Variants in KAT6B observed in about 807,000 individuals in gnomAD.
KAT6B encodes the protein lysine acetyltransferase 6B.
Under a neutral mutation model 187.5 loss-of-function variants are expected in KAT6B, and 10 were observed. That is an observed-to-expected ratio of 0.05 (90% CI 0.03 to 0.09). The LOEUF (loss-of-function observed/expected upper bound fraction) is 0.09, where lower values mean the gene tolerates loss of function less well. Among genes scored for constraint, KAT6B ranks in the 10% least tolerant of loss-of-function variants. KAT6B has a pLI of 1.00. For synonymous variants in KAT6B, 861 were observed against 926.8 expected (o/e 0.93, Z 1.29); for missense variants, 1,952 against 2,558.9 (o/e 0.76, Z 5.12).
chr10:74,868,742 T>C (rs1227373708), intron 3 of KAT6B, among the ~76,000 whole-genome samples: 1 of 152,264 alleles, frequency 6.6e-6, no homozygotes, highest in Non-Finnish European at 1.5e-5. Context: ...GCACATATTC[T>C]GTGCTGGGTG....
chr10:74,889,606 C>A (rs1845518135), intron 3 of KAT6B, among the ~76,000 whole-genome samples: 1 of 152,188 alleles, frequency 6.6e-6, no homozygotes, highest in Admixed American at 6.5e-5. Context: ...TGGAGCAAGG[C>A]TCAGTGGATG....
Position 75,029,576 on chromosome 10 carries a change from T to G in KAT6B, c.4752T>G (p.Ile1584Met). Residue 1584 changes from isoleucine (I) to methionine (M), a missense_variant, in exon 18 of 18, where the codon ATT becomes ATG. This residue lies in a region of KAT6B where 758 missense variants were observed against 891.4 expected (regional missense o/e 0.85). Coordinates refer to ENST00000287239, the MANE Select transcript of KAT6B (RefSeq NM_012330.4). The surrounding 1 kb of genome is among the most constrained non-coding windows in gnomAD (Gnocchi z 6.2). Reference sequence around the variant, plus strand: ...CCCGTGCAGACCAAAGTCCACAGATTGCCACCACGCTCGACGATTGCCAAC... The same window carrying G: ...CCCGTGCAGACCAAAGTCCACAGATGGCCACCACGCTCGACGATTGCCAAC... ...NYTRADQSPQ[I>M]ATTLDDCQQS... 2 of 1,614,106 alleles carry G rather than the reference T, an allele frequency of 1.2e-6. No individual in the cohort carries two copies. Among genetic ancestry groups the G allele is most frequent in the Non-Finnish European group, 1.7e-6 (2 of 1,180,024 alleles).
Position 74,977,429 on chromosome 10 carries a change from T to C in KAT6B, c.2107T>C (p.Ser703Pro), listed in dbSNP as rs1179731230. ...LDVFKQAQEL[S>P]WEKIECESGV... ...TGTTTTTAAGCAGGCCCAGGAACTT[T>C]CTTGGGAGGTAAGGCGAGGATCCCA... The change falls in exon 9 of 18, where the codon TCT (serine) becomes CCT (proline). Residue 703 changes from serine (S) to proline (P), a missense_variant. This residue lies in a region of KAT6B where 417 missense variants were observed against 508.9 expected (regional missense o/e 0.82). Coordinates refer to ENST00000287239, the MANE Select transcript of KAT6B (RefSeq NM_012330.4). 6.2e-7 allele frequency: 1 copy of C among 1,613,728 alleles called. No homozygotes were observed. The highest frequency in any genetic ancestry group is 1.3e-5 in the African/African-American group (1 of 74,928).
At chr10:75,018,851 T>A (rs1344040382) in intron 13 of KAT6B, among the ~76,000 whole-genome samples, 1 of 152,014 alleles carries the variant, frequency 6.6e-6, no homozygotes, top group Non-Finnish European at 1.5e-5. Flanking sequence ...AAGGGAATGG[T>A]TCTATATCCA....
intron 13 of KAT6B, among the ~76,000 whole-genome samples, chr10:75,001,138 G>T (rs767958940): frequency 1.1e-4 from 16 of 152,084 alleles, no homozygotes; most frequent in Non-Finnish European, 2.2e-4. Context: ...ATGCTTTAGG[G>T]TATGATTTAG....
chr10:75,028,451 CTG>C (rs1441374070), intron 17 of KAT6B, 36 bp from the exon 18 acceptor site: 4 of 1,613,818 alleles, frequency 2.5e-6, no homozygotes, highest in African/African-American at 1.3e-5. Context: ...CTTTCTAAGA[CTG>C]TTTTTTTTCC....
chr10:74,982,037 A>G, intron 11 of KAT6B, 109 bp downstream of exon 11: 1 of 1,016,132 alleles, frequency 9.8e-7, no homozygotes, highest in Non-Finnish European at 1.5e-6. Context: ...TAATTTTGGC[A>G]CTGAAATTCA....
At chr10:74,959,921 C>T in intron 3 of KAT6B, 49 bp from the exon 4 acceptor site, 1 of 1,266,788 alleles carries the variant, frequency 7.9e-7, no homozygotes, top group Non-Finnish European at 1.2e-6. Context: ...AATGTTTTTA[C>T]TTTTGAAATG....
chr10:74,882,015 T>C lies in KAT6B; in HGVS notation c.621+38537T>C, dbSNP rs1016553342. Among the ~76,000 whole-genome samples the C allele has an allele frequency of 3.3e-5, 5 of 152,276 alleles. No individual in the cohort carries two copies. The East Asian group carries it at 9.6e-4, about 29-fold the overall frequency. ...CCGAGGTTGACCTAGAAAGCACCCTTGGTGGGTGCCATGGGATGGGGGAAT... is the reference window on the plus strand; with the variant it reads ...CCGAGGTTGACCTAGAAAGCACCCTCGGTGGGTGCCATGGGATGGGGGAAT... On this transcript the variant is annotated intron_variant, in intron 3 of 17. Transcript: ENST00000287239.
At chr10:74,947,308 A>G (rs1002684937) in intron 3 of KAT6B, among the ~76,000 whole-genome samples, 4 of 152,352 alleles carry the variant, frequency 2.6e-5, no homozygotes, top group African/African-American at 9.6e-5. Context: ...ACAAAAACAA[A>G]CAAACTAAAA....
intron 13 of KAT6B, among the ~76,000 whole-genome samples, chr10:74,997,891 C>T (rs1202162522): frequency 6.6e-6 from 1 of 152,030 alleles, no homozygotes; most frequent in East Asian, 1.9e-4. Flanking sequence ...GCAAGCAGAT[C>T]ACCTGAGGTC....
At chr10:74,936,552 A>G (rs1849287707) in intron 3 of KAT6B, among the ~76,000 whole-genome samples, 1 of 152,222 alleles carries the variant, frequency 6.6e-6, no homozygotes, top group Admixed American at 6.5e-5. Context: ...TTACTTTCAA[A>G]TTAATCATTT....
At chr10:74,932,997 A>G (rs1848993706) in intron 3 of KAT6B, among the ~76,000 whole-genome samples, 1 of 152,204 alleles carries the variant, frequency 6.6e-6, no homozygotes, top group African/African-American at 2.4e-5. Flanking sequence ...GCTCACAAGG[A>G]AAGACTTTCT....
At chr10:74,988,292 A>G (rs1323318101) in intron 12 of KAT6B, among the ~76,000 whole-genome samples, 1 of 152,200 alleles carries the variant, frequency 6.6e-6, no homozygotes, top group Non-Finnish European at 1.5e-5. Flanking sequence ...ACATCCCATG[A>G]AAGTTGCAAA....
In KAT6B at chr10:74,843,378, T is replaced by G. The variant is rs1589452890; in HGVS notation, c.521T>G (p.Val174Gly). Reference sequence around the variant, plus strand: ...CTGAAAGACGGACCGCAGTACAGGGTCAATTATGGGAGCTTAGATGGCAAA... The same window carrying G: ...CTGAAAGACGGACCGCAGTACAGGGGCAATTATGGGAGCTTAGATGGCAAA... Reference protein sequence around the residue: ...RLLKDGPQYRVNYGSLDGKGA... With the variant: ...RLLKDGPQYRGNYGSLDGKGA... The change falls in exon 3 of 18, where the codon GTC becomes GGC. Residue 174 changes from valine (V) to glycine (G), a missense_variant. Physicochemically the swap from Val to Gly is moderately radical, Grantham distance 109. Transcript: ENST00000287239. 1 of 1,613,698 alleles carries G rather than the reference T, an allele frequency of 6.2e-7. No homozygotes were observed. Among genetic ancestry groups the G allele is most frequent in the Non-Finnish European group, 8.5e-7 (1 of 1,179,906 alleles).
chr10:74,905,687 AGGAGAAGAG>A (rs2132830057), intron 3 of KAT6B, among the ~76,000 whole-genome samples: 1 of 152,340 alleles, frequency 6.6e-6, no homozygotes, highest in African/African-American at 2.4e-5. Flanking sequence ...CGGTGGATTA[AGGAGAAGAG>A]GGCTGTGATG....
chr10:74,870,726 G>A (rs1336008093), intron 3 of KAT6B, among the ~76,000 whole-genome samples: 1 of 151,178 alleles, frequency 6.6e-6, no homozygotes. Context: ...TTACAGGCAT[G>A]CGCCACCACG....
At chr10:74,871,226 T>G (rs1326532107) in intron 3 of KAT6B, among the ~76,000 whole-genome samples, 1 of 133,736 alleles carries the variant, frequency 7.5e-6, no homozygotes, top group Admixed American at 7.9e-5. Context: ...GGAGTCTTAC[T>G]CTGTCACCCA....
chr10:74,954,313 TG>T (rs1378408099), intron 3 of KAT6B, among the ~76,000 whole-genome samples: 9 of 152,188 alleles, frequency 5.9e-5, no homozygotes, highest in African/African-American at 2.2e-4. Flanking sequence ...TTTCCTGGGC[TG>T]GGGGAAGAGA....
Sources: allele counts gnomAD v4.1 joint callset (sites outside exome capture counted in the v4.1 genomes callset), GRCh38; gene constraint gnomAD v4.1.1; regional missense constraint gnomAD v4.1.1; non-coding constraint Gnocchi (gnomAD v3.1); transcripts MANE v1.5; gene names NCBI Gene and HGNC (gene_info 2026-07-23, HGNC 2026-07-21).